The following ANKRD13D variants were observed in gnomAD, a reference collection of about 807,000 sequenced individuals.
The protein encoded by ANKRD13D is ankyrin repeat domain 13D, also known as ankyrin repeat domain-containing protein 13D.
A neutral mutation model predicts 68.8 loss-of-function variants in ANKRD13D; 24 were observed. The ratio of observed to expected loss-of-function variants is 0.35; its 90% CI spans 0.25 to 0.49. The LOEUF (loss-of-function observed/expected upper bound fraction) is 0.49, where lower values mean the gene tolerates loss of function less well. Ranked by LOEUF, ANKRD13D falls within the 20% of genes least tolerant of loss-of-function variation. The pLI is 0.99. For missense variants in ANKRD13D, 735 were observed against 832.1 expected (o/e 0.88, Z 1.44); for synonymous variants, 331 against 336.1 (o/e 0.98, Z 0.16).
rs1284927143 is a variant in ANKRD13D, at chr11:67,300,274, A to G, written c.1073+151A>G. On this transcript the variant is annotated intron_variant, in intron 10 of 14. Transcript: ENST00000511455. The surrounding 1 kb of genome is among the most constrained non-coding windows in gnomAD (Gnocchi z 4.3). ...GGCAGGAGTCATGTCTGCCTTATCCATGGTCCTCAGCCCTTAGCAAGGGGC... is the reference window on the plus strand; with the variant it reads ...GGCAGGAGTCATGTCTGCCTTATCCGTGGTCCTCAGCCCTTAGCAAGGGGC... 8.7e-7 allele frequency: 1 copy of G among 1,153,924 alleles called. No individual in the cohort carries two copies. The highest frequency in any genetic ancestry group is 1.6e-5 in the African/African-American group (1 of 64,052). 71.5% of individuals were successfully genotyped at this position (1,153,924 alleles called of 1,614,324 possible). A position where few individuals can be genotyped will look rare whatever the true frequency, so the allele number is the denominator to read the frequency against.
chr11:67,299,962 G>A lies in ANKRD13D; in HGVS notation c.943-31G>A, dbSNP rs772782674. ...GCGGGAGGGCACCCTCTGTCACCTT[G>A]ATGGCTGAGTCCGCCCTGGGACCCA... On this transcript the variant is annotated intron_variant, in intron 9 of 14. Coordinates refer to ENST00000511455, the MANE Select transcript of ANKRD13D (RefSeq NM_207354.3). The surrounding 1 kb of genome is among the most constrained non-coding windows in gnomAD (Gnocchi z 6.2). 6.3e-7 allele frequency: 1 copy of A among 1,597,836 alleles called. No homozygotes were observed. The highest frequency in any genetic ancestry group is 8.5e-7 in the Non-Finnish European group (1 of 1,169,936).
Position 67,300,806 on chromosome 11 carries a change from C to A in ANKRD13D, c.1074-184C>A. 1 of 688,078 alleles carries A rather than the reference C, an allele frequency of 1.5e-6. No individual in the cohort carries two copies. Among genetic ancestry groups the A allele is most frequent in the Non-Finnish European group, 2.4e-6 (1 of 419,858 alleles). 42.6% of individuals were successfully genotyped at this position (688,078 alleles called of 1,614,324 possible). ...CCCAGCCTGGGCCCAGGGAGGAGGGCAGCTTGGGCCACGTGGCCAGGACAC... is the reference window on the plus strand; with the variant it reads ...CCCAGCCTGGGCCCAGGGAGGAGGGAAGCTTGGGCCACGTGGCCAGGACAC... On this transcript the variant is annotated intron_variant, in intron 10 of 14. Coordinates refer to ENST00000511455, the MANE Select transcript of ANKRD13D (RefSeq NM_207354.3). This position sits in a 1 kb window ranked among gnomAD's most constrained non-coding sequence, Gnocchi z 4.3.
Position 67,302,287 on chromosome 11 carries a change from G to T in ANKRD13D, c.1773G>T (p.Glu591Asp). 6.4e-7 allele frequency: 1 copy of T among 1,562,606 alleles called. No individual in the cohort carries two copies. Among genetic ancestry groups the T allele is most frequent in the East Asian group, 2.4e-5 (1 of 42,372 alleles). Residue 591 changes from glutamate to aspartate, a missense_variant, in exon 15 of 15, where the codon GAG (glutamate) becomes GAT (aspartate). By Grantham distance (45) the Glu-to-Asp change is conservative. Coordinates refer to ENST00000511455, the MANE Select transcript of ANKRD13D (RefSeq NM_207354.3). Reference protein sequence around the residue: ...EERERRGQQEEEDLQRILQLS... With the variant: ...EERERRGQQEDEDLQRILQLS... ...GGGAGCGGCGCGGGCAGCAGGAGGA[G>T]GAGGACTTACAGCGGATCCTGCAGC...
chr11:67,297,474 C>A (rs774353990), intron 6 of ANKRD13D, among the ~76,000 whole-genome samples: 1 of 151,086 alleles, frequency 6.6e-6, no homozygotes, highest in Admixed American at 6.6e-5. Context: ...GGATTACAGG[C>A]GTGAGCCACC....
At chr11:67,297,026 CTATTA>C (rs1361136591) in intron 6 of ANKRD13D, among the ~76,000 whole-genome samples, 3 of 152,022 alleles carry the variant, frequency 2.0e-5, no homozygotes, top group Admixed American at 2.0e-4. Context: ...TTAATTTTCT[CTATTA>C]TTTTTCTATT....
At chr11:67,295,027 A>G (rs1445218382) in intron 6 of ANKRD13D, among the ~76,000 whole-genome samples, 1 of 152,102 alleles carries the variant, frequency 6.6e-6, no homozygotes, top group Non-Finnish European at 1.5e-5. Flanking sequence ...ATCTGTAAAT[A>G]GATTTAGTTG....
In ANKRD13D at chr11:67,291,530, G is replaced by C; in HGVS notation, c.397+9G>C. 6.2e-7 allele frequency: 1 copy of C among 1,613,764 alleles called. No homozygotes were observed. The highest frequency in any genetic ancestry group is 1.1e-5 in the South Asian group (1 of 91,066). On this transcript the variant is annotated intron_variant, in intron 4 of 14. Transcript: ENST00000511455. Reference sequence around the variant, plus strand: ...GGAGTTCACCAGCTGGGGTGAGTGGGGACCTCTGGGCTCCCAGGGATTTGG... The same window carrying C: ...GGAGTTCACCAGCTGGGGTGAGTGGCGACCTCTGGGCTCCCAGGGATTTGG...
At position 67,291,598 on chromosome 11, in the gene ANKRD13D, T is replaced by G. The variant is rs1270430139; in HGVS notation, c.398-5T>G. On this transcript the variant is annotated splice_region_variant and splice_polypyrimidine_tract_variant and intron_variant, in intron 4 of 14. Transcript: ENST00000511455. ...GACCCCCAGTGACCCCTGTGCACCCTGCAGTGCCCCTTGTGTCTAAGATGT... is the reference window on the plus strand; with the variant it reads ...GACCCCCAGTGACCCCTGTGCACCCGGCAGTGCCCCTTGTGTCTAAGATGT... The G allele has an allele frequency of 6.2e-6, 10 of 1,614,000 alleles. No individual in the cohort carries two copies. Among genetic ancestry groups the G allele is most frequent in the Non-Finnish European group, 7.6e-6 (9 of 1,180,032 alleles).
In ANKRD13D at chr11:67,291,741, G is replaced by C. The variant is rs1437164288; in HGVS notation, c.536G>C (p.Gly179Ala). ...QRGRRSFIFK[G>A]QEAGALVMEV... ...GGCCGGAGGAGCTTCATCTTCAAGG[G>C]CCAGGGTGAGCTCTGGACAAACTCA... is the stretch of plus-strand genomic sequence containing the variant. The change falls in exon 5 of 15, where the codon GGC (glycine) becomes GCC (alanine). Residue 179 changes from glycine (G) to alanine (A), a missense_variant. Coordinates refer to ENST00000511455, the MANE Select transcript of ANKRD13D (RefSeq NM_207354.3). The C allele has an allele frequency of 6.8e-6, 11 of 1,613,878 alleles. No individual in the cohort carries two copies. Among genetic ancestry groups the C allele is most frequent in the Non-Finnish European group, 9.3e-6 (11 of 1,180,038 alleles).
rs553354864 is a variant in ANKRD13D, at chr11:67,293,412, T to G, written c.731+1232T>G. ...TGCCTTTCTTTGATGACTAATGATG[T>G]TGAGCATCTTTTCATGTGCTTATTG... is the stretch of plus-strand genomic sequence containing the variant. On this transcript the variant is annotated intron_variant, in intron 6 of 14. Coordinates refer to ENST00000511455, the MANE Select transcript of ANKRD13D (RefSeq NM_207354.3). Among the ~76,000 whole-genome samples, 182 of 152,372 alleles carry G rather than the reference T, an allele frequency of 1.2e-3. 3 individuals carry two copies. The highest frequency in any genetic ancestry group is 7.6e-3 in the Admixed American group (117 of 15,304).
Position 67,300,533 on chromosome 11 carries a change from C to G in ANKRD13D, c.1073+410C>G. The stretch of plus-strand genomic sequence containing the variant: ...GGTAACAGCAGGCACAGTGCCTGCA[C>G]AAGCCTAGCGCTCTCCCCACCATCT... On this transcript the variant is annotated intron_variant, in intron 10 of 14. Transcript: ENST00000511455. The surrounding 1 kb of genome is among the most constrained non-coding windows in gnomAD (Gnocchi z 4.3). The G allele has an allele frequency of 3.0e-6, 1 of 333,432 alleles. No homozygotes were observed. Among genetic ancestry groups the G allele is most frequent in the Non-Finnish European group, 5.5e-6 (1 of 181,204 alleles). 20.7% of individuals were successfully genotyped at this position (333,432 alleles called of 1,614,324 possible).
chr11:67,291,786 G>A, intron 5 of ANKRD13D, 40 bp downstream of exon 5: 1 of 1,606,098 alleles, frequency 6.2e-7, no homozygotes, highest in Non-Finnish European at 8.5e-7. Context: ...CTCGGCCCTT[G>A]GGTTTCCTGC....
At position 67,299,618 on chromosome 11, in the gene ANKRD13D, C is replaced by T; in HGVS notation, c.880+7C>T. The T allele has an allele frequency of 6.4e-7, 1 of 1,550,762 alleles. No homozygotes were observed. The highest frequency in any genetic ancestry group is 8.7e-7 in the Non-Finnish European group (1 of 1,146,884). ...GACAAGTCGAGGAGCAAAGGTAAAC[C>T]CAGGTGCGCCTGCCTGCTGCCCGGT... On this transcript the variant is annotated splice_region_variant and intron_variant, in intron 8 of 14. Transcript: ENST00000511455. This position sits in a 1 kb window ranked among gnomAD's most constrained non-coding sequence, Gnocchi z 6.2.
Position 67,302,129 on chromosome 11 carries a change from G to T in ANKRD13D, c.1615G>T (p.Glu539Ter). ...EQLQLERALQ[E>*]SLQLSTEPRG... ...TGCCCTGCCTGGAAGGGCCCTCCAG[G>T]AAAGCCTGCAGCTGTCCACAGAGCC... The change falls in exon 15 of 15, where the codon GAA (glutamate) becomes TAA (stop). Residue 539 changes from glutamate to a stop codon, truncating the protein, a stop_gained. Coordinates refer to ENST00000511455, the MANE Select transcript of ANKRD13D (RefSeq NM_207354.3). LOFTEE classifies it low-confidence loss of function (END_TRUNC). 6.3e-7 allele frequency: 1 copy of T among 1,576,106 alleles called. No individual in the cohort carries two copies.
At chr11:67,289,756 C>T in intron 1 of ANKRD13D, 1 of 1,418,990 alleles carries the variant, frequency 7.0e-7, no homozygotes. Flanking sequence ...GGGCCTTGCC[C>T]TGCTCGCCCG....
Position 67,291,695 on chromosome 11 carries a change from G to A in ANKRD13D, c.490G>A (p.Glu164Lys), listed in dbSNP as rs140647228. 4.3e-4 allele frequency: 686 copies of A among 1,613,980 alleles called. No individual in the cohort carries two copies. Among genetic ancestry groups the A allele is most frequent in the South Asian group, 5.2e-4 (47 of 91,092 alleles). Residue 164 changes from glutamate (E) to lysine (K), a missense_variant, in exon 5 of 15, where the codon GAG becomes AAG. Transcript: ENST00000511455. Reference protein sequence around the residue: ...LRVDTSLLGFEHMTWQRGRRS... With the variant: ...LRVDTSLLGFKHMTWQRGRRS... ...AGTAGACACCAGTCTCCTGGGCTTC[G>A]AGCACATGACCTGGCAGCGGGGCCG...
At chr11:67,290,505 T>A in intron 3 of ANKRD13D, 59 bp downstream of exon 3, 1 of 1,510,676 alleles carries the variant, frequency 6.6e-7, no homozygotes, top group Non-Finnish European at 8.9e-7. Flanking sequence ...CCCTGGTTAC[T>A]GTGCCAGGCC....
chr11:67,299,375 T>C lies in ANKRD13D; in HGVS notation c.799-155T>C, dbSNP rs985756301. ...CCCTGGGGCTGCATCTCCTCGTTGG[T>C]GACTTCCTGGGGTTCAGACCCTGCC... On this transcript the variant is annotated intron_variant, in intron 7 of 14. Transcript: ENST00000511455. The surrounding 1 kb of genome is among the most constrained non-coding windows in gnomAD (Gnocchi z 6.2). 9 of 734,110 alleles carry C rather than the reference T, an allele frequency of 1.2e-5. No individual in the cohort carries two copies. Among genetic ancestry groups the C allele is most frequent in the Non-Finnish European group, 2.0e-5 (9 of 442,700 alleles). The allele number at this position is 734,110 out of a possible 1,614,324, so 45.5% of individuals were successfully genotyped here.
At position 67,289,321 on chromosome 11, in the gene ANKRD13D, G is replaced by T. The variant is rs1170416100; in HGVS notation, c.-140G>T. The stretch of plus-strand genomic sequence containing the variant: ...CCGCCCCGCCCTCCCTGCCGCCCGC[G>T]CTGCCGCCGCCGCCGCCGCCGCCGC... On this transcript the variant is annotated 5_prime_UTR_variant, in exon 1 of 15. Coordinates refer to ENST00000511455, the MANE Select transcript of ANKRD13D (RefSeq NM_207354.3). 134 of 348,482 alleles carry T rather than the reference G, an allele frequency of 3.8e-4. No homozygotes were observed. Among genetic ancestry groups the T allele is most frequent in the Middle Eastern group, 1.4e-3 (1 of 724 alleles). The allele number at this position is 348,482 out of a possible 1,614,324, so 21.6% of individuals were successfully genotyped here.
Sources: allele counts gnomAD v4.1 joint callset (sites outside exome capture counted in the v4.1 genomes callset), GRCh38; gene constraint gnomAD v4.1.1; non-coding constraint Gnocchi (gnomAD v3.1); transcripts MANE v1.5; gene names NCBI Gene and HGNC (gene_info 2026-07-23, HGNC 2026-07-21).